Variants in CLPB observed in about 807,000 individuals in gnomAD.
CLPB encodes the protein mitochondrial disaggregase.
In CLPB, 40 loss-of-function variants were observed where a neutral mutation model predicts 78.4. The ratio of observed to expected loss-of-function variants is 0.51; its 90% CI spans 0.40 to 0.66. CLPB has a LOEUF of 0.66. Among genes scored for constraint, CLPB ranks in the 30% least tolerant of loss-of-function variants. CLPB has a pLI of 0.00. For synonymous variants in CLPB, 333 were observed against 348.0 expected (o/e 0.96, Z 0.48); for missense variants, 780 against 886.9 (o/e 0.88, Z 1.53).
In CLPB at chr11:72,434,376, G is replaced by A; in HGVS notation, c.99C>T (p.Ser33=). Residue 33 remains serine, a synonymous_variant, in exon 1 of 16, where the codon TCC becomes TCT. Transcript: ENST00000538039. ...GACTCCCAGTAGTCACATTCCGGCC[G>A]GAAGCACCTCCATGGCCCCGGAGCG... The part of the protein sequence containing the change: ...SPTLRGHGGA[S]GRNVTTGSLG... 1 of 1,611,776 alleles carries A rather than the reference G, an allele frequency of 6.2e-7. No homozygotes were observed. Among genetic ancestry groups the A allele is most frequent in the African/African-American group, 1.3e-5 (1 of 74,992 alleles).
At chr11:72,397,171 T>C (rs1855431198) in intron 3 of CLPB, among the ~76,000 whole-genome samples, 1 of 152,148 alleles carries the variant, frequency 6.6e-6, no homozygotes. Flanking sequence ...GCAGGTAGCT[T>C]TTTGTGTTGG....
intron 9 of CLPB, among the ~76,000 whole-genome samples, chr11:72,305,528 A>G (rs957797750): frequency 5.3e-5 from 8 of 152,230 alleles, no homozygotes; most frequent in Admixed American, 3.3e-4. Context: ...TTGAGGCAAG[A>G]GAGCTGAAAC....
chr11:72,312,991 G>A lies in CLPB; in HGVS notation c.988+4115C>T, dbSNP rs561091350. On this transcript the variant is annotated intron_variant, in intron 7 of 15. Coordinates refer to ENST00000538039, the MANE Select transcript of CLPB (RefSeq NM_001258392.3). This position sits in a 1 kb window ranked among gnomAD's most constrained non-coding sequence, Gnocchi z 4.2. Reference sequence around the variant, plus strand: ...TTCCAGGAAGAAGGCCCCAGTGTGTGTACAACCAAAAAGGCAAGAGCGGCC... The same window carrying A: ...TTCCAGGAAGAAGGCCCCAGTGTGTATACAACCAAAAAGGCAAGAGCGGCC... Among the ~76,000 whole-genome samples the A allele has an allele frequency of 6.6e-6, 1 of 152,284 alleles. No homozygotes were observed. The highest frequency in any genetic ancestry group is 1.9e-4 in the East Asian group (1 of 5,182).
chr11:72,388,246 TC>T (rs1394343884), intron 3 of CLPB, among the ~76,000 whole-genome samples: 2 of 145,298 alleles, frequency 1.4e-5, no homozygotes, highest in Non-Finnish European at 1.5e-5. Flanking sequence ...AAGATTCCCT[TC>T]CCCTTTTTTT....
At chr11:72,388,041 G>A (rs965645620) in intron 3 of CLPB, among the ~76,000 whole-genome samples, 2 of 152,102 alleles carry the variant, frequency 1.3e-5, no homozygotes, top group African/African-American at 2.4e-5. Context: ...GCTGTAGGAC[G>A]TGTCCAAGCA....
rs1382832745 is a variant in CLPB at position 72,293,204 on chromosome 11, G to C, written c.*163C>G. ...GAGTAGGGCGAAATTCCTCCTTCAG[G>C]TTTTGGGGCTGAGAAGGGGTCTTCA... On this transcript the variant is annotated 3_prime_UTR_variant, in exon 16 of 16. Transcript: ENST00000538039. 1 of 853,308 alleles carries C rather than the reference G, an allele frequency of 1.2e-6. No homozygotes were observed. Among genetic ancestry groups the C allele is most frequent in the African/African-American group, 1.7e-5 (1 of 58,470 alleles). The allele number at this position is 853,308 out of a possible 1,614,324, so 52.9% of individuals were successfully genotyped here.
intron 3 of CLPB, among the ~76,000 whole-genome samples, chr11:72,398,625 C>T (rs1002162118): frequency 2.0e-5 from 3 of 152,240 alleles, no homozygotes; most frequent in African/African-American, 7.2e-5. Context: ...GAAGGCTACG[C>T]TAAGTCACAG....
At chr11:72,328,707 T>A (rs934833486) in intron 6 of CLPB, among the ~76,000 whole-genome samples, 2 of 152,224 alleles carry the variant, frequency 1.3e-5, no homozygotes, top group East Asian at 3.9e-4. Context: ...AACCAGGTCT[T>A]CCAGTCCCCG....
At chr11:72,321,830 G>A (rs912633516) in intron 6 of CLPB, among the ~76,000 whole-genome samples, 7 of 152,272 alleles carry the variant, frequency 4.6e-5, no homozygotes, top group Admixed American at 1.3e-4. Flanking sequence ...ACTCGGGTAT[G>A]CCCCATACTC....
intron 4 of CLPB, 36 bp downstream of exon 4, chr11:72,380,245 G>C: frequency 6.7e-7 from 1 of 1,493,404 alleles, no homozygotes; most frequent in Non-Finnish European, 9.3e-7. Context: ...GCCACAAGAG[G>C]AGAGCTCTCA....
In CLPB at chr11:72,312,163, G is replaced by C. The variant is rs1001067923; in HGVS notation, c.989-3559C>G. On this transcript the variant is annotated intron_variant, in intron 7 of 15. Transcript: ENST00000538039. The surrounding 1 kb of genome is among the most constrained non-coding windows in gnomAD (Gnocchi z 4.2). The stretch of plus-strand genomic sequence containing the variant: ...TTTCTTCCTCTATAAAATGGGAACA[G>C]TCACATATACTGTGTCAGCCCCACA... Among the ~76,000 whole-genome samples the C allele has an allele frequency of 1.3e-5, 2 of 152,208 alleles. No individual in the cohort carries two copies. The highest frequency in any genetic ancestry group is 4.8e-5 in the African/African-American group (2 of 41,456).
chr11:72,402,939 A>G, intron 3 of CLPB, 27 bp downstream of exon 3: 1 of 1,598,924 alleles, frequency 6.3e-7, no homozygotes, highest in Non-Finnish European at 8.6e-7. Flanking sequence ...TGCCTAAAGG[A>G]GCCCTGTGTG....
intron 5 of CLPB, among the ~76,000 whole-genome samples, chr11:72,347,468 G>A: frequency 6.6e-6 from 1 of 152,086 alleles, no homozygotes; most frequent in East Asian, 1.9e-4. Flanking sequence ...AAAACCAAAA[G>A]CTATCTCTTC....
At chr11:72,371,799 C>T (rs1221407179) in intron 4 of CLPB, among the ~76,000 whole-genome samples, 2 of 152,124 alleles carry the variant, frequency 1.3e-5, no homozygotes, top group Admixed American at 1.3e-4. Context: ...TACAGCTGTC[C>T]AAAACCTTCC....
chr11:72,431,456 A>G (rs1856543474), intron 1 of CLPB, among the ~76,000 whole-genome samples: 2 of 152,230 alleles, frequency 1.3e-5, no homozygotes, highest in South Asian at 4.1e-4. Context: ...TATTTGCTGT[A>G]TAACCTAGCC....
chr11:72,409,953 G>A (rs746370410), intron 2 of CLPB, among the ~76,000 whole-genome samples: 2 of 151,994 alleles, frequency 1.3e-5, no homozygotes, highest in African/African-American at 2.4e-5. Context: ...CTCCGACCTG[G>A]GTGACAGTGA....
At chr11:72,433,763 C>T (rs1856617387) in intron 1 of CLPB, among the ~76,000 whole-genome samples, 1 of 151,796 alleles carries the variant, frequency 6.6e-6, no homozygotes, top group African/African-American at 2.4e-5. Flanking sequence ...GGAATTGGAC[C>T]AGGCAGAATA....
chr11:72,305,105 A>T (rs561156819), intron 9 of CLPB, among the ~76,000 whole-genome samples: 54 of 152,340 alleles, frequency 3.5e-4, no homozygotes, highest in African/African-American at 1.1e-3. Context: ...GGAGCTTCTC[A>T]TGCCTCTCAT....
At chr11:72,362,036 G>C (rs1950848726) in intron 4 of CLPB, among the ~76,000 whole-genome samples, 2 of 152,232 alleles carry the variant, frequency 1.3e-5, no homozygotes, top group Non-Finnish European at 2.9e-5. Context: ...GGAATGTCCA[G>C]AGGAGGCCCA....
Sources: gnomAD v4.1 joint callset for allele counts (sites outside exome capture counted in the v4.1 genomes callset) on GRCh38, gnomAD v4.1.1 for gene constraint, Gnocchi (gnomAD v3.1) non-coding constraint, MANE v1.5 for transcripts, NCBI Gene and HGNC (gene_info 2026-07-23, HGNC 2026-07-21) for gene names.